MMAA: variants seen among roughly 807,000 people sequenced by gnomAD.
MMAA encodes methylmalonic aciduria type A protein, mitochondrial.
MMAA carries 41 observed loss-of-function variants against 45.0 expected under a neutral mutation model. The observed-to-expected ratio is 0.91, with a 90% confidence interval of 0.71 to 1.18. MMAA has a LOEUF of 1.18. Among genes scored for constraint, MMAA ranks in the 50% most tolerant of loss-of-function variants. MMAA has a pLI of 0.00. For synonymous variants in MMAA, 154 were observed against 178.2 expected (o/e 0.86, Z 1.08); for missense variants, 460 against 495.7 (o/e 0.93, Z 0.68).
intron 4 of MMAA, among the ~76,000 whole-genome samples, chr4:145,649,106 T>C (rs1025370871): frequency 4.7e-5 from 6 of 128,378 alleles, no homozygotes; most frequent in Admixed American, 1.8e-4. Flanking sequence ...CTGGGCAACA[T>C]AGCAAGCCTT....
chr4:145,652,690 A>C (rs1728128979), intron 5 of MMAA, among the ~76,000 whole-genome samples: 1 of 151,918 alleles, frequency 6.6e-6, no homozygotes, highest in African/African-American at 2.4e-5. Context: ...AGATCGCACC[A>C]CTGCACTCCA....
At chr4:145,652,645 G>T (rs1290949606) in intron 5 of MMAA, among the ~76,000 whole-genome samples, 2 of 151,882 alleles carry the variant, frequency 1.3e-5, no homozygotes, top group African/African-American at 4.8e-5. Flanking sequence ...CAGGAGAATG[G>T]CTTGAACCCG....
intron 2 of MMAA, among the ~76,000 whole-genome samples, chr4:145,641,723 G>A (rs1350342713): frequency 1.3e-5 from 2 of 152,180 alleles, no homozygotes; most frequent in African/African-American, 4.8e-5. Flanking sequence ...CACATAGCTC[G>A]TGGGAGGCAG....
rs1426629230 is a variant in MMAA at position 145,659,113 on chromosome 4, C to T, written c.*3679C>T. The T allele has an allele frequency of 6.6e-6, 1 of 152,124 alleles. No individual in the cohort carries two copies. Among genetic ancestry groups the T allele is most frequent in the African/African-American group, 2.4e-5 (1 of 41,406 alleles). The allele number at this position is 152,124 out of a possible 1,614,324, so 9.4% of individuals were successfully genotyped here. Reference sequence around the variant, plus strand: ...TGTCAAAACTTTCCTTTAAAAGGAACAATCAGAAAAACTCTTTAACAAATG... The same window carrying T: ...TGTCAAAACTTTCCTTTAAAAGGAATAATCAGAAAAACTCTTTAACAAATG... On this transcript the variant is annotated 3_prime_UTR_variant, in exon 7 of 7. Coordinates refer to ENST00000649156, the MANE Select transcript of MMAA (RefSeq NM_172250.3).
At chr4:145,639,025 A>C (rs1275037807) in intron 1 of MMAA, 50 bp from the exon 2 acceptor site, 10 of 931,182 alleles carry the variant, frequency 1.1e-5, no homozygotes, top group Non-Finnish European at 1.7e-5. Context: ...TTACTACTTC[A>C]GTATTTTAGT....
At position 145,639,357 on chromosome 4, in the gene MMAA, A is replaced by T. The variant is rs1342138127; in HGVS notation, c.218A>T (p.Asp73Val). Residue 73 changes from aspartate to valine, a missense_variant, in exon 2 of 7, where the codon GAC (aspartate) becomes GTC (valine). Physicochemically the swap from Asp to Val is radical, Grantham distance 152. Transcript: ENST00000649156. ...TTATGTGTACAAACAACCTTAAAGG[A>T]CCACACAGAAGGACTTTCTGATAAA... Reference protein sequence around the residue: ...RKLCVQTTLKDHTEGLSDKEQ... With the variant: ...RKLCVQTTLKVHTEGLSDKEQ... 1 of 1,614,192 alleles carries T rather than the reference A, an allele frequency of 6.2e-7. No individual in the cohort carries two copies. Among genetic ancestry groups the T allele is most frequent in the Admixed American group, 1.7e-5 (1 of 60,024 alleles).
At position 145,658,386 on chromosome 4, in the gene MMAA, G is replaced by T. The variant is rs1728292312; in HGVS notation, c.*2952G>T. ...AGATAATTCTGAAAAAAATCTCATAGGTTCACTTTGCCTTGTCAAGAATAT... is the reference window on the plus strand; with the variant it reads ...AGATAATTCTGAAAAAAATCTCATATGTTCACTTTGCCTTGTCAAGAATAT... On this transcript the variant is annotated 3_prime_UTR_variant, in exon 7 of 7. Coordinates refer to ENST00000649156, the MANE Select transcript of MMAA (RefSeq NM_172250.3). 6.6e-6 allele frequency: 1 copy of T among 152,068 alleles called. No individual in the cohort carries two copies. Among genetic ancestry groups the T allele is most frequent in the Non-Finnish European group, 1.5e-5 (1 of 68,010 alleles). 9.4% of individuals were successfully genotyped at this position (152,068 alleles called of 1,614,324 possible).
intron 3 of MMAA, among the ~76,000 whole-genome samples, chr4:145,645,412 A>C (rs568367017): frequency 1.4e-4 from 21 of 152,332 alleles, no homozygotes; most frequent in African/African-American, 5.1e-4. Flanking sequence ...ACGGTTTTTG[A>C]AGCACATTCC....
At chr4:145,632,997 T>C (rs1727499195) in intron 1 of MMAA, among the ~76,000 whole-genome samples, 1 of 151,836 alleles carries the variant, frequency 6.6e-6, no homozygotes, top group African/African-American at 2.4e-5. Context: ...TCTGTATGCC[T>C]TGGCCTCCCA....
chr4:145,623,698 C>A (rs1734135457), intron 1 of MMAA, among the ~76,000 whole-genome samples: 1 of 152,086 alleles, frequency 6.6e-6, no homozygotes, highest in African/African-American at 2.4e-5. Flanking sequence ...AGACCAGTAA[C>A]AGAAGAAAAC....
At chr4:145,631,624 A>G (rs1462914473) in intron 1 of MMAA, among the ~76,000 whole-genome samples, 2 of 152,172 alleles carry the variant, frequency 1.3e-5, no homozygotes, top group African/African-American at 2.4e-5. Context: ...TTTTTTTACC[A>G]GAGAGTTTAG....
Position 145,645,403 on chromosome 4 carries a change from C to T in MMAA, c.563-583C>T, listed in dbSNP as rs370868455. 2.8e-4 allele frequency among the ~76,000 whole-genome samples: 43 copies of T among 152,282 alleles called. No individual in the cohort carries two copies. The South Asian group carries it at 6.4e-3, about 23-fold the overall frequency. ...ATAAGTTCTGTGTTTTTGTTATTAA[C>T]GGTTTTTGAAGCACATTCCTGTATA... On this transcript the variant is annotated intron_variant, in intron 3 of 6. Transcript: ENST00000649156.
intron 4 of MMAA, chr4:145,650,387 G>A (rs534240177): frequency 1.3e-5 from 2 of 153,440 alleles, no homozygotes; most frequent in African/African-American, 4.8e-5. Flanking sequence ...GAGTACGGGA[G>A]AGGGAGAAGC....
chr4:145,635,380 GA>G (rs1458251910), intron 1 of MMAA, among the ~76,000 whole-genome samples: 1 of 152,184 alleles, frequency 6.6e-6, no homozygotes, highest in African/African-American at 2.4e-5. Flanking sequence ...CAGTGCCTCA[GA>G]ATTGCTATCC....
chr4:145,653,646 A>G lies in MMAA; in HGVS notation c.820-348A>G, dbSNP rs572402646. 1.8e-4 allele frequency among the ~76,000 whole-genome samples: 27 copies of G among 152,334 alleles called. 1 individual carries two copies. In the South Asian group the frequency reaches 3.5e-3, roughly 20 times the overall value. ...TTCTTTTTAAGCACCTTAATGATGA[A>G]TGGTTTTGCATCCTGCAGTGTTAGC... On this transcript the variant is annotated intron_variant, in intron 5 of 6. Coordinates refer to ENST00000649156, the MANE Select transcript of MMAA (RefSeq NM_172250.3).
chr4:145,624,654 G>T, intron 1 of MMAA: 2 of 1,448,174 alleles, frequency 1.4e-6, no homozygotes, highest in Non-Finnish European at 1.9e-6. Context: ...CATATTCAGG[G>T]AATCTTTATG....
rs2126629176 is a variant in MMAA, at chr4:145,654,107, A to G, written c.933A>G (p.Lys311=). 1 of 1,614,162 alleles carries G rather than the reference A, an allele frequency of 6.2e-7. No homozygotes were observed. Among genetic ancestry groups the G allele is most frequent in the African/African-American group, 1.3e-5 (1 of 75,058 alleles). ...RIQAEYVSAL[K]LLRKRSQVWK... is the part of the protein sequence containing the mutation. ...AAGCGGAATATGTGAGTGCACTGAAATTACTCCGCAAACGTTCACAAGTCT... is the reference window on the plus strand; with the variant it reads ...AAGCGGAATATGTGAGTGCACTGAAGTTACTCCGCAAACGTTCACAAGTCT... The change falls in exon 6 of 7, where the codon AAA becomes AAG. Residue 311 remains lysine (K), a synonymous_variant. Coordinates refer to ENST00000649156, the MANE Select transcript of MMAA (RefSeq NM_172250.3).
intron 1 of MMAA, among the ~76,000 whole-genome samples, chr4:145,634,665 C>T (rs571847528): frequency 5.9e-5 from 9 of 152,038 alleles, no homozygotes; most frequent in East Asian, 5.9e-4. Flanking sequence ...GCTGGGAATG[C>T]GCTGAGTCTT....
At chr4:145,622,162 G>A (rs929484249) in intron 1 of MMAA, among the ~76,000 whole-genome samples, 1 of 152,176 alleles carries the variant, frequency 6.6e-6, no homozygotes, top group Non-Finnish European at 1.5e-5. Context: ...GGTGAGAGGT[G>A]ATTGAATTAT....
Sources: gnomAD v4.1 joint callset for allele counts (sites outside exome capture counted in the v4.1 genomes callset) on GRCh38, gnomAD v4.1.1 for gene constraint, MANE v1.5 for transcripts, NCBI Gene and HGNC (gene_info 2026-07-23, HGNC 2026-07-21) for gene names.